The following FBXO15 variants were observed in gnomAD, a reference collection of about 807,000 sequenced individuals.
The protein encoded by FBXO15 is F-box only protein 15.
Under a neutral mutation model 49.5 loss-of-function variants are expected in FBXO15, and 30 were observed. That is an observed-to-expected ratio of 0.61 (90% CI 0.45 to 0.82). The LOEUF is 0.82. FBXO15 is among the 40% of genes least tolerant of loss of function. The pLI, the probability that FBXO15 is intolerant of heterozygous loss-of-function variation, is 0.00. For missense variants in FBXO15, 591 were observed against 631.5 expected (o/e 0.94, Z 0.69); for synonymous variants, 250 against 232.7 (o/e 1.07, Z -0.68).
At position 74,126,042 on chromosome 18, in the gene FBXO15, A is replaced by G. The variant is rs753560415; in HGVS notation, c.845T>C (p.Met282Thr). 6.2e-7 allele frequency: 1 copy of G among 1,614,138 alleles called. No homozygotes were observed. Among genetic ancestry groups the G allele is most frequent in the Non-Finnish European group, 8.5e-7 (1 of 1,179,992 alleles). ...CCGAATGAGTCTGTCACAGCCAATC[A>G]TGGTAGATATGGTCAAATGACTCAG... ...YNLSHLTIST[M>T]IGCDRLIRIF... The change falls in exon 6 of 10, where the codon ATG becomes ACG. Residue 282 changes from methionine to threonine, a missense_variant. Met to Thr is a moderately conservative substitution (Grantham distance 81, BLOSUM62 -1). Transcript: ENST00000419743.
At chr18:74,077,559 C>A (rs966029935) in intron 9 of FBXO15, among the ~76,000 whole-genome samples, 8 of 152,184 alleles carry the variant, frequency 5.3e-5, no homozygotes, top group African/African-American at 1.9e-4. Flanking sequence ...GCCTGTTCCA[C>A]AGCACCCACT....
At chr18:74,098,504 C>CA (rs979983760) in intron 8 of FBXO15, 1 of 152,092 alleles carries the variant, frequency 6.6e-6, no homozygotes, top group Non-Finnish European at 1.5e-5. Flanking sequence ...CTGAACATGG[C>CA]AGAAGAAAGA....
intron 9 of FBXO15, chr18:74,078,602 G>C (rs1912357930): frequency 6.6e-6 from 1 of 152,430 alleles, no homozygotes; most frequent in Non-Finnish European, 1.5e-5. Flanking sequence ...TTCTGGGGGG[G>C]GATGCATGTC....
chr18:74,138,005 C>G (rs1978826840), intron 2 of FBXO15, among the ~76,000 whole-genome samples: 1 of 152,070 alleles, frequency 6.6e-6, no homozygotes, highest in Admixed American at 6.5e-5. Flanking sequence ...TGCTCTAGGT[C>G]CCCACGGTTT....
At chr18:74,102,189 A>G (rs550825609) in intron 8 of FBXO15, among the ~76,000 whole-genome samples, 28 of 152,302 alleles carry the variant, frequency 1.8e-4, no homozygotes, top group Admixed American at 1.8e-3. Flanking sequence ...AGAGTGGGGG[A>G]AAATCTTCAC....
chr18:74,096,816 A>C (rs1202160319), intron 8 of FBXO15, among the ~76,000 whole-genome samples: 1 of 152,238 alleles, frequency 6.6e-6, no homozygotes, highest in Non-Finnish European at 1.5e-5. Context: ...CATGTTGATA[A>C]ACAAGGAAAG....
intron 3 of FBXO15, among the ~76,000 whole-genome samples, chr18:74,134,629 A>G (rs958496739): frequency 1.4e-4 from 21 of 152,060 alleles, no homozygotes; most frequent in Non-Finnish European, 2.2e-4. Flanking sequence ...CGGCCTCCCA[A>G]AGTGCTGGGA....
At chr18:74,084,576 T>G (rs779272171) in intron 8 of FBXO15, among the ~76,000 whole-genome samples, 10 of 152,230 alleles carry the variant, frequency 6.6e-5, no homozygotes, top group Admixed American at 3.3e-4. Flanking sequence ...TGAGCAAGTA[T>G]AGCCTTCATT....
chr18:74,117,865 A>G (rs1914298897), intron 8 of FBXO15, among the ~76,000 whole-genome samples: 1 of 152,184 alleles, frequency 6.6e-6, no homozygotes, highest in Non-Finnish European at 1.5e-5. Flanking sequence ...GCAATAGTGA[A>G]TGGCGAGCCC....
chr18:74,143,979 T>C (rs1372422898), intron 1 of FBXO15, among the ~76,000 whole-genome samples: 1 of 152,256 alleles, frequency 6.6e-6, no homozygotes, highest in African/African-American at 2.4e-5. Context: ...TTATACTGCA[T>C]GGGTTTGTTC....
At chr18:74,147,307 T>G (rs1337190875) in intron 1 of FBXO15, among the ~76,000 whole-genome samples, 1 of 152,018 alleles carries the variant, frequency 6.6e-6, no homozygotes, top group East Asian at 1.9e-4. Context: ...GGGAGATTCT[T>G]GGTTACAGAA....
chr18:74,143,377 G>C (rs1979207295), intron 1 of FBXO15, among the ~76,000 whole-genome samples: 1 of 152,126 alleles, frequency 6.6e-6, no homozygotes, highest in Admixed American at 6.5e-5. Context: ...CCAAATAAAT[G>C]ATGATGATTC....
At chr18:74,092,598 AG>A (rs1395968326) in intron 8 of FBXO15, among the ~76,000 whole-genome samples, 1 of 152,090 alleles carries the variant, frequency 6.6e-6, no homozygotes, top group Non-Finnish European at 1.5e-5. Context: ...TTGTGACGTA[AG>A]GTAGGCTGAG....
In FBXO15 at chr18:74,075,808, T is replaced by C. The variant is rs1912234804; in HGVS notation, c.1264-2078A>G. Among the ~76,000 whole-genome samples, 1 of 152,206 alleles carries C rather than the reference T, an allele frequency of 6.6e-6. No homozygotes were observed. Among genetic ancestry groups the C allele is most frequent in the African/African-American group, 2.4e-5 (1 of 41,452 alleles). Reference sequence around the variant, plus strand: ...TACCCACTCCCATTGCTGAGGTTCCTACAGCTTGGTCCTAGGCCCTATTTT... The same window carrying C: ...TACCCACTCCCATTGCTGAGGTTCCCACAGCTTGGTCCTAGGCCCTATTTT... On this transcript the variant is annotated intron_variant, in intron 9 of 9. Coordinates refer to ENST00000419743, the MANE Select transcript of FBXO15 (RefSeq NM_001142958.2). The surrounding 1 kb of genome is among the most constrained non-coding windows in gnomAD (Gnocchi z 4.1).
rs1912299644 is a variant in FBXO15 at position 74,077,417 on chromosome 18, G to T, written c.1264-3687C>A. Among the ~76,000 whole-genome samples the T allele has an allele frequency of 2.0e-5, 3 of 152,250 alleles. No individual in the cohort carries two copies. The South Asian group carries it at 6.2e-4, about 32-fold the overall frequency. On this transcript the variant is annotated intron_variant, in intron 9 of 9. Coordinates refer to ENST00000419743, the MANE Select transcript of FBXO15 (RefSeq NM_001142958.2). ...TGGGAGAGTGCACGCCAGAGCCTAAGGCCCCTCACATCAGATGAGCTACAC... is the reference window on the plus strand; with the variant it reads ...TGGGAGAGTGCACGCCAGAGCCTAATGCCCCTCACATCAGATGAGCTACAC...
At chr18:74,101,635 A>G (rs1277112141) in intron 8 of FBXO15, among the ~76,000 whole-genome samples, 1 of 152,198 alleles carries the variant, frequency 6.6e-6, no homozygotes, top group African/African-American at 2.4e-5. Context: ...ATATGGAAAC[A>G]AAAAAGAGCC....
intron 8 of FBXO15, among the ~76,000 whole-genome samples, chr18:74,120,679 G>A (rs1280210934): frequency 6.6e-6 from 1 of 152,112 alleles, no homozygotes; most frequent in Non-Finnish European, 1.5e-5. Context: ...GCAATACTTA[G>A]GTGGAAGTTC....
At position 74,075,059 on chromosome 18, in the gene FBXO15, G is replaced by A. The variant is rs778130648; in HGVS notation, c.1264-1329C>T. Among the ~76,000 whole-genome samples, 5 of 152,194 alleles carry A rather than the reference G, an allele frequency of 3.3e-5. No individual in the cohort carries two copies. The highest frequency in any genetic ancestry group is 4.1e-4 in the South Asian group (2 of 4,828). ...TCTGGACCTGAGCACCAAGCACAGCGGGAGGGCTGCACGCAGAGCTGCTGG... is the reference window on the plus strand; with the variant it reads ...TCTGGACCTGAGCACCAAGCACAGCAGGAGGGCTGCACGCAGAGCTGCTGG... On this transcript the variant is annotated intron_variant, in intron 9 of 9. Coordinates refer to ENST00000419743, the MANE Select transcript of FBXO15 (RefSeq NM_001142958.2). This position sits in a 1 kb window ranked among gnomAD's most constrained non-coding sequence, Gnocchi z 4.1.
chr18:74,088,175 T>TAA (rs1599138874), intron 8 of FBXO15, among the ~76,000 whole-genome samples: 2 of 152,308 alleles, frequency 1.3e-5, no homozygotes, highest in East Asian at 3.9e-4. Flanking sequence ...ACTTGGTTGA[T>TAA]AGTTTCTTTT....
Sources: allele counts gnomAD v4.1 joint callset (sites outside exome capture counted in the v4.1 genomes callset), GRCh38; gene constraint gnomAD v4.1.1; non-coding constraint Gnocchi (gnomAD v3.1); transcripts MANE v1.5; gene names NCBI Gene and HGNC (gene_info 2026-07-23, HGNC 2026-07-21).